CA10: variants seen among roughly 807,000 people sequenced by gnomAD.
CA10 encodes carbonic anhydrase-related protein 10.
A neutral mutation model predicts 44.2 loss-of-function variants in CA10; 14 were observed. The observed-to-expected ratio is 0.32, with a 90% confidence interval of 0.21 to 0.50. The LOEUF is 0.50. Ranked by LOEUF, CA10 falls within the 20% of genes least tolerant of loss-of-function variation. The pLI is 0.99. For missense variants in CA10, 350 were observed against 409.7 expected, an observed-to-expected ratio of 0.85 and a Z score of 1.26; for synonymous variants, 159 against 141.6, an observed-to-expected ratio of 1.12 and a Z score of -0.87.
At chr17:51,932,860 A>G (rs1016182955) in intron 2 of CA10, among the ~76,000 whole-genome samples, 1 of 151,818 alleles carries the variant, frequency 6.6e-6, no homozygotes, top group African/African-American at 2.4e-5. Flanking sequence ...TTGCATTATG[A>G]ATGCACTTAT....
At chr17:51,758,573 C>T (rs1384974185) in intron 3 of CA10, among the ~76,000 whole-genome samples, 2 of 152,154 alleles carry the variant, frequency 1.3e-5, no homozygotes, top group Non-Finnish European at 2.9e-5. Context: ...TTCAGGCTGC[C>T]CAGCCTCTGA....
At chr17:52,128,320 G>C (rs1023387619) in intron 1 of CA10, among the ~76,000 whole-genome samples, 1 of 152,094 alleles carries the variant, frequency 6.6e-6, no homozygotes, top group African/African-American at 2.4e-5. Context: ...CTGTCTCCAA[G>C]ACCATTTCAA....
chr17:52,091,091 AAAAT>A (rs1448339379), intron 1 of CA10, among the ~76,000 whole-genome samples: 3 of 152,196 alleles, frequency 2.0e-5, no homozygotes, highest in Non-Finnish European at 4.4e-5. Flanking sequence ...TCCTCACCAA[AAAAT>A]ACTATCTGAA....
intron 4 of CA10, among the ~76,000 whole-genome samples, chr17:51,656,583 T>C (rs190466836): frequency 5.9e-5 from 9 of 152,346 alleles, no homozygotes; most frequent in Non-Finnish European, 1.2e-4. Flanking sequence ...TTATAGTTAA[T>C]ACATTCTAGA....
At chr17:51,953,429 G>A (rs1179045003) in intron 2 of CA10, among the ~76,000 whole-genome samples, 1 of 150,524 alleles carries the variant, frequency 6.6e-6, no homozygotes, top group Non-Finnish European at 1.5e-5. Context: ...TTTAATATCT[G>A]ATAGGAATAG....
rs138940768 is a variant in CA10, at chr17:52,104,809, C to T, written c.62-32416G>A. ...GTGCCTCTCGCTAGTCTTGGCCCTG[C>T]TAGGGCTTTCCGTCGATTCATCATT... On this transcript the variant is annotated intron_variant, in intron 1 of 8. Transcript: ENST00000451037. Among the ~76,000 whole-genome samples the T allele has an allele frequency of 4.2e-3, 635 of 152,292 alleles. 5 individuals carry two copies. The highest frequency in any genetic ancestry group is 0.015 in the African/African-American group (603 of 41,568).
chr17:51,695,699 G>A (rs1318166213), intron 4 of CA10, among the ~76,000 whole-genome samples: 1 of 152,028 alleles, frequency 6.6e-6, no homozygotes, highest in Non-Finnish European at 1.5e-5. Context: ...TTCCAGTACT[G>A]TGTTGAATAG....
chr17:51,691,643 T>G (rs1188431882), intron 4 of CA10, among the ~76,000 whole-genome samples: 5 of 152,356 alleles, frequency 3.3e-5, no homozygotes, highest in African/African-American at 1.2e-4. Flanking sequence ...TTGCCTAAAC[T>G]AATGTCATAG....
intron 2 of CA10, among the ~76,000 whole-genome samples, chr17:51,963,147 C>T (rs1157257208): frequency 2.0e-5 from 3 of 151,988 alleles, no homozygotes; most frequent in South Asian, 4.1e-4. Flanking sequence ...ATAGACTGGA[C>T]TAGAAAGAAG....
chr17:52,020,647 A>T (rs1451376737), intron 2 of CA10, among the ~76,000 whole-genome samples: 2 of 152,072 alleles, frequency 1.3e-5, no homozygotes, highest in Non-Finnish European at 2.9e-5. Flanking sequence ...TCTGCCTTCC[A>T]TAACTTTTAT....
At chr17:51,859,461 T>G (rs59407010) in intron 3 of CA10, among the ~76,000 whole-genome samples, 19,341 of 152,130 alleles carry the variant, frequency 0.13, 1,907 homozygotes, top group African/African-American at 0.28. Flanking sequence ...GCTCAGGAGA[T>G]CTGCCAATAA....
chr17:51,902,021 C>T (rs1041375178), intron 3 of CA10, among the ~76,000 whole-genome samples: 1 of 152,086 alleles, frequency 6.6e-6, no homozygotes, highest in Admixed American at 6.6e-5. Context: ...GCTGCTGGTT[C>T]TCAAAGGTAA....
chr17:51,637,625 A>G (rs1260565820), intron 6 of CA10, among the ~76,000 whole-genome samples: 2 of 152,264 alleles, frequency 1.3e-5, no homozygotes, highest in Non-Finnish European at 2.9e-5. Flanking sequence ...GTGCACATAT[A>G]TGGTAAAGGA....
At chr17:51,820,533 C>A (rs556653235) in intron 3 of CA10, among the ~76,000 whole-genome samples, 1 of 151,476 alleles carries the variant, frequency 6.6e-6, no homozygotes, top group Non-Finnish European at 1.5e-5. Context: ...AAATCTCTGA[C>A]GCACAAACCC....
At chr17:51,915,947 C>A (rs761755252) in intron 3 of CA10, among the ~76,000 whole-genome samples, 26 of 150,154 alleles carry the variant, frequency 1.7e-4, no homozygotes, top group Admixed American at 5.4e-4. Context: ...TATTTCCTCA[C>A]TGCTATTAAG....
At chr17:51,772,145 A>G (rs949823932) in intron 3 of CA10, among the ~76,000 whole-genome samples, 42 of 152,202 alleles carry the variant, frequency 2.8e-4, no homozygotes, top group Non-Finnish European at 4.4e-5. Flanking sequence ...GTATATGGGG[A>G]GAACAATAGT....
intron 4 of CA10, among the ~76,000 whole-genome samples, chr17:51,657,102 G>GCAAA (rs1567791637): frequency 2.0e-5 from 3 of 152,226 alleles, no homozygotes; most frequent in South Asian, 2.1e-4. Flanking sequence ...AGGCAGAGAT[G>GCAAA]TGCTCTATAG....
intron 3 of CA10, among the ~76,000 whole-genome samples, chr17:51,929,040 T>C (rs114480020): frequency 2.3e-3 from 343 of 152,254 alleles, no homozygotes; most frequent in African/African-American, 7.8e-3. Flanking sequence ...CAAACTCCAA[T>C]GCATTTGAAA....
chr17:51,811,704 G>T (rs1179674686), intron 3 of CA10, among the ~76,000 whole-genome samples: 1 of 152,160 alleles, frequency 6.6e-6, no homozygotes, highest in Non-Finnish European at 1.5e-5. Context: ...ATTTGGGTTG[G>T]TTCCAAGTCT....
Sources: gnomAD v4.1 joint callset for allele counts (sites outside exome capture counted in the v4.1 genomes callset) on GRCh38, gnomAD v4.1.1 for gene constraint, MANE v1.5 for transcripts, NCBI Gene and HGNC (gene_info 2026-07-23, HGNC 2026-07-21) for gene names.